ARFGAP3: variants seen among roughly 807,000 people sequenced by gnomAD.
ARFGAP3 encodes ARF GTPase activating protein 3.
ARFGAP3 carries 72 observed loss-of-function variants against 75.0 expected under a neutral mutation model. That is an observed-to-expected ratio of 0.96 (90% CI 0.79 to 1.17). The LOEUF is 1.17. Among genes scored for constraint, ARFGAP3 ranks in the 50% most tolerant of loss-of-function variants. ARFGAP3 has a pLI of 0.00. For synonymous variants in ARFGAP3, 221 were observed against 217.9 expected, an observed-to-expected ratio of 1.01 and a Z score of -0.13; for missense variants, 620 against 626.6, an observed-to-expected ratio of 0.99 and a Z score of 0.11.
At chr22:42,819,591 G>A (rs1925725406) in intron 9 of ARFGAP3, among the ~76,000 whole-genome samples, 1 of 152,192 alleles carries the variant, frequency 6.6e-6, no homozygotes, top group East Asian at 1.9e-4. Context: ...AAGCGGAGCA[G>A]CTCAAGGCAG....
At chr22:42,798,795 G>A (rs1357763635) in intron 15 of ARFGAP3, among the ~76,000 whole-genome samples, 1 of 151,990 alleles carries the variant, frequency 6.6e-6, no homozygotes, top group Non-Finnish European at 1.5e-5. Flanking sequence ...TCCAATCTAG[G>A]AAAAAAACTG....
At chr22:42,817,032 A>G in intron 11 of ARFGAP3, 110 bp downstream of exon 11, 4 of 820,506 alleles carry the variant, frequency 4.9e-6, no homozygotes, top group Non-Finnish European at 7.9e-6. Context: ...GCTTTTAAAA[A>G]CAGTGAAGTA....
chr22:42,812,110 C>T (rs778497761), intron 11 of ARFGAP3, among the ~76,000 whole-genome samples: 6 of 151,400 alleles, frequency 4.0e-5, no homozygotes, highest in East Asian at 1.9e-4. Context: ...CATGGTGGCA[C>T]GCCTATAGTC....
intron 2 of ARFGAP3, among the ~76,000 whole-genome samples, chr22:42,845,504 T>A (rs1432989765): frequency 2.6e-4 from 34 of 128,774 alleles, no homozygotes; most frequent in Non-Finnish European, 2.1e-4. Flanking sequence ...CCAGCCTGGG[T>A]GACAAAGCAA....
At chr22:42,833,250 A>T (rs1926375384) in intron 5 of ARFGAP3, among the ~76,000 whole-genome samples, 1 of 152,184 alleles carries the variant, frequency 6.6e-6, no homozygotes, top group African/African-American at 2.4e-5. Context: ...ATACTACATA[A>T]ACAGCAAAAC....
chr22:42,826,390 T>G (rs1926038958), intron 7 of ARFGAP3, among the ~76,000 whole-genome samples: 1 of 152,000 alleles, frequency 6.6e-6, no homozygotes, highest in South Asian at 2.1e-4. Context: ...CTGCTTTTTT[T>G]TTTTTTTGAG....
At chr22:42,846,547 G>A (rs1220017152) in intron 2 of ARFGAP3, among the ~76,000 whole-genome samples, 2 of 152,212 alleles carry the variant, frequency 1.3e-5, no homozygotes, top group African/African-American at 4.8e-5. Flanking sequence ...ACTCACCAGA[G>A]GGGCCAATGC....
At chr22:42,835,625 T>A (rs1247939045) in intron 3 of ARFGAP3, 132 bp from the exon 4 acceptor site, 1 of 965,844 alleles carries the variant, frequency 1.0e-6, no homozygotes, top group African/African-American at 1.7e-5. Context: ...ATCAGTACCA[T>A]CCTGGCTAAC....
intron 6 of ARFGAP3, among the ~76,000 whole-genome samples, chr22:42,828,296 C>T (rs920523754): frequency 6.6e-6 from 1 of 151,770 alleles, no homozygotes; most frequent in Non-Finnish European, 1.5e-5. Context: ...CGGTAGCTCA[C>T]ACCTGTAATC....
intron 5 of ARFGAP3, 189 bp from the exon 6 acceptor site, chr22:42,831,825 C>T: frequency 4.8e-6 from 4 of 831,298 alleles, no homozygotes; most frequent in Non-Finnish European, 5.8e-6. Flanking sequence ...CTCTGTTGCC[C>T]AGGCTAGAGT....
At position 42,814,707 on chromosome 22, in the gene ARFGAP3, G is replaced by A. The variant is rs147594530; in HGVS notation, c.1064+2435C>T. The stretch of plus-strand genomic sequence containing the variant: ...TCACTTAGAGCTTTCTTACCAACCC[G>A]GCTACCAAGCAACAGTACTGATTTA... On this transcript the variant is annotated intron_variant, in intron 11 of 15. Transcript: ENST00000263245. Among the ~76,000 whole-genome samples, 1,000 of 152,206 alleles carry A rather than the reference G, an allele frequency of 6.6e-3. 13 individuals carry two copies. The highest frequency in any genetic ancestry group is 0.023 in the African/African-American group (957 of 41,526).
At chr22:42,856,879 C>G (rs1927527320) in intron 1 of ARFGAP3, among the ~76,000 whole-genome samples, 1 of 151,344 alleles carries the variant, frequency 6.6e-6, no homozygotes, top group Admixed American at 6.6e-5. Flanking sequence ...GCCGCCGCCC[C>G]CGGGAACGCT....
At chr22:42,847,846 G>C (rs1927088645) in intron 1 of ARFGAP3, 1 of 181,496 alleles carries the variant, frequency 5.5e-6, no homozygotes, top group South Asian at 1.9e-4. Flanking sequence ...TTATAAATTA[G>C]TATAGTTAAT....
intron 5 of ARFGAP3, among the ~76,000 whole-genome samples, 189 bp downstream of exon 5, chr22:42,834,049 AAAGT>A (rs1322491811): frequency 2.0e-5 from 3 of 152,368 alleles, no homozygotes; most frequent in African/African-American, 7.2e-5. Context: ...TGAGAACAGC[AAAGT>A]AAGTCCATCA....
intron 9 of ARFGAP3, among the ~76,000 whole-genome samples, chr22:42,821,141 A>C (rs555511037): frequency 6.6e-6 from 1 of 152,298 alleles, no homozygotes; most frequent in South Asian, 2.1e-4. Context: ...CTCTGGAGAC[A>C]CGACCAGAGC....
At chr22:42,842,585 A>AT (rs936741333) in intron 2 of ARFGAP3, among the ~76,000 whole-genome samples, 1 of 151,616 alleles carries the variant, frequency 6.6e-6, no homozygotes, top group Non-Finnish European at 1.5e-5. Context: ...GGTAGCTGGG[A>AT]TTAGAGGCGT....
chr22:42,830,410 T>A (rs888072688), intron 6 of ARFGAP3, among the ~76,000 whole-genome samples: 2 of 152,168 alleles, frequency 1.3e-5, no homozygotes, highest in Admixed American at 6.5e-5. Context: ...TGCCAGAAAT[T>A]TTCTCAATAC....
chr22:42,829,016 A>G (rs191736891), intron 6 of ARFGAP3, among the ~76,000 whole-genome samples: 20 of 152,344 alleles, frequency 1.3e-4, no homozygotes, highest in Non-Finnish European at 1.8e-4. Context: ...AAATTATAAT[A>G]GTGAAAATAG....
intron 4 of ARFGAP3, among the ~76,000 whole-genome samples, chr22:42,834,952 T>C (rs1926453639): frequency 6.6e-6 from 1 of 152,258 alleles, no homozygotes; most frequent in South Asian, 2.1e-4. Context: ...AAGGCTGTGA[T>C]GTGCCTCATG....
Sources: allele counts gnomAD v4.1 joint callset (sites outside exome capture counted in the v4.1 genomes callset), GRCh38; gene constraint gnomAD v4.1.1; transcripts MANE v1.5; gene names NCBI Gene and HGNC (gene_info 2026-07-23, HGNC 2026-07-21).